The following KCNN2 variants were observed in gnomAD, a reference collection of about 807,000 sequenced individuals.
KCNN2 encodes potassium calcium-activated channel subfamily N member 2.
A neutral mutation model predicts 55.5 loss-of-function variants in KCNN2; 24 were observed. The observed-to-expected ratio is 0.43, with a 90% CI of 0.31 to 0.61. The LOEUF is 0.61. KCNN2 is among the 20% of genes least tolerant of loss of function. The pLI, the probability that KCNN2 is intolerant of heterozygous loss-of-function variation, is 0.08. For missense variants in KCNN2, 754 were observed against 853.6 expected, an observed-to-expected ratio of 0.88 and a Z score of 1.45; for synonymous variants, 431 against 336.1, an observed-to-expected ratio of 1.28 and a Z score of -3.09.
intron 2 of KCNN2, among the ~76,000 whole-genome samples, chr5:114,365,770 A>T (rs886068867): frequency 2.0e-5 from 3 of 152,244 alleles, no homozygotes; most frequent in African/African-American, 7.2e-5. Context: ...CATATTTTTA[A>T]AAATCAAGTT....
At chr5:114,242,941 A>G (rs1754673705) in intron 2 of KCNN2, among the ~76,000 whole-genome samples, 1 of 152,214 alleles carries the variant, frequency 6.6e-6, no homozygotes, top group Admixed American at 6.5e-5. Flanking sequence ...TCTATTTATT[A>G]AACAAATATT....
chr5:114,368,179 G>A (rs1197074999), intron 2 of KCNN2, among the ~76,000 whole-genome samples: 1 of 152,126 alleles, frequency 6.6e-6, no homozygotes, highest in East Asian at 1.9e-4. Context: ...GGGTTGCAAA[G>A]TGCTGAAAAT....
At chr5:114,455,940 T>C (rs904344719) in intron 3 of KCNN2, among the ~76,000 whole-genome samples, 3 of 152,316 alleles carry the variant, frequency 2.0e-5, no homozygotes, top group African/African-American at 7.2e-5. Flanking sequence ...GTTGGTTCAT[T>C]AGATTTAAGG....
At chr5:114,079,020 G>A (rs1358302522) in intron 1 of KCNN2, among the ~76,000 whole-genome samples, 1 of 152,100 alleles carries the variant, frequency 6.6e-6, no homozygotes, top group East Asian at 1.9e-4. Context: ...ATTTGGGTTA[G>A]GACTTGCTTT....
At chr5:114,460,558 T>A (rs1241464825) in intron 3 of KCNN2, among the ~76,000 whole-genome samples, 1 of 152,130 alleles carries the variant, frequency 6.6e-6, no homozygotes, top group South Asian at 2.1e-4. Context: ...TAGCTAGTTA[T>A]TAATAATAGT....
intron 4 of KCNN2, among the ~76,000 whole-genome samples, chr5:114,464,583 G>C (rs1761353844): frequency 6.6e-6 from 1 of 152,154 alleles, no homozygotes; most frequent in Non-Finnish European, 1.5e-5. Context: ...AGTGGAAGGA[G>C]AGCGTGCCCT....
At chr5:114,146,330 C>G (rs1478231054) in intron 1 of KCNN2, among the ~76,000 whole-genome samples, 1 of 152,120 alleles carries the variant, frequency 6.6e-6, no homozygotes, top group Non-Finnish European at 1.5e-5. Context: ...AGTTCTGTTA[C>G]TTCTTTCTAC....
At chr5:114,307,889 C>T (rs912362173) in intron 2 of KCNN2, among the ~76,000 whole-genome samples, 9 of 152,022 alleles carry the variant, frequency 5.9e-5, no homozygotes, top group African/African-American at 2.2e-4. Context: ...TGAACATCAG[C>T]TTAATTCCTC....
At chr5:114,451,692 C>T (rs191065658) in intron 3 of KCNN2, among the ~76,000 whole-genome samples, 22 of 151,956 alleles carry the variant, frequency 1.4e-4, no homozygotes, top group Non-Finnish European at 2.6e-4. Context: ...GTCAGGAGAT[C>T]AAGACCATCC....
chr5:114,236,435 G>A (rs1030064170), intron 2 of KCNN2, among the ~76,000 whole-genome samples: 5 of 150,934 alleles, frequency 3.3e-5, no homozygotes, highest in Non-Finnish European at 2.9e-5. Context: ...ACAATTCTAG[G>A]TTCAGATCAT....
intron 2 of KCNN2, among the ~76,000 whole-genome samples, chr5:114,286,334 A>G (rs1264608905): frequency 1.3e-5 from 2 of 152,122 alleles, no homozygotes; most frequent in African/African-American, 2.4e-5. Context: ...GCAGTTAGAG[A>G]TGTTTGAAAG....
chr5:114,345,655 T>C (rs1343893020), intron 2 of KCNN2, among the ~76,000 whole-genome samples: 1 of 152,230 alleles, frequency 6.6e-6, no homozygotes, highest in Non-Finnish European at 1.5e-5. Context: ...TCTTGCATTG[T>C]TATAAAGAAA....
chr5:114,165,241 T>C (rs993752394), intron 1 of KCNN2, among the ~76,000 whole-genome samples: 10 of 152,138 alleles, frequency 6.6e-5, no homozygotes, highest in African/African-American at 2.4e-4. Flanking sequence ...CTCCACCTCC[T>C]CTGCCTCTGT....
chr5:114,460,172 C>CTCTT, intron 3 of KCNN2, among the ~76,000 whole-genome samples: 1 of 152,268 alleles, frequency 6.6e-6, no homozygotes, highest in East Asian at 1.9e-4. Flanking sequence ...CGTATGAAAT[C>CTCTT]TCTTACTTCT....
intron 2 of KCNN2, among the ~76,000 whole-genome samples, chr5:114,271,452 A>G (rs201047557): frequency 2.0e-5 from 3 of 152,176 alleles, no homozygotes; most frequent in African/African-American, 4.8e-5. Context: ...ACCTCTCATT[A>G]CTACTAAATA....
intron 3 of KCNN2, among the ~76,000 whole-genome samples, chr5:114,461,841 C>T (rs1223989934): frequency 6.6e-6 from 1 of 151,966 alleles, no homozygotes; most frequent in Non-Finnish European, 1.5e-5. Flanking sequence ...CCTGGCAGCA[C>T]AGACACAGAT....
At chr5:114,212,566 AAG>A (rs1345973090) in intron 1 of KCNN2, among the ~76,000 whole-genome samples, 1 of 152,104 alleles carries the variant, frequency 6.6e-6, no homozygotes, top group Non-Finnish European at 1.5e-5. Flanking sequence ...TTTTAATAAA[AAG>A]AAAATATGAA....
At chr5:114,060,731 T>C (rs1750308736) in intron 1 of KCNN2, among the ~76,000 whole-genome samples, 1 of 152,228 alleles carries the variant, frequency 6.6e-6, no homozygotes, top group Admixed American at 6.5e-5. Flanking sequence ...CAAAACCTAC[T>C]GTATAGTGTA....
intron 3 of KCNN2, among the ~76,000 whole-genome samples, chr5:114,444,640 GTGATT>G (rs1375059405): frequency 6.6e-6 from 1 of 152,122 alleles, no homozygotes; most frequent in Non-Finnish European, 1.5e-5. Flanking sequence ...TTCAACTTGT[GTGATT>G]TGATTTCAGG....
Sources: gnomAD v4.1 joint callset for allele counts (sites outside exome capture counted in the v4.1 genomes callset) on GRCh38, gnomAD v4.1.1 for gene constraint, MANE v1.5 for transcripts, NCBI Gene and HGNC (gene_info 2026-07-23, HGNC 2026-07-21) for gene names.